The following TMEM232 variants were observed in gnomAD, a reference collection of about 807,000 sequenced individuals.
TMEM232 encodes transmembrane protein 232.
Under a neutral mutation model 78.8 loss-of-function variants are expected in TMEM232, and 80 were observed. That is an observed-to-expected ratio of 1.01 (90% confidence interval 0.85 to 1.22). TMEM232 has a LOEUF of 1.22. TMEM232 is among the 50% of genes most tolerant of loss of function. The pLI is 0.00. For synonymous variants in TMEM232, 297 were observed against 254.3 expected (o/e 1.17, Z -1.60); for missense variants, 881 against 742.2 (o/e 1.19, Z -2.17).
intron 5 of TMEM232, among the ~76,000 whole-genome samples, chr5:110,636,228 G>A (rs2149994952): frequency 6.6e-6 from 1 of 152,004 alleles, no homozygotes; most frequent in South Asian, 2.1e-4. Flanking sequence ...TGGACAAAGA[G>A]AACAGAATAA....
intron 7 of TMEM232, among the ~76,000 whole-genome samples, chr5:110,625,023 T>C (rs1010866280): frequency 1.3e-5 from 2 of 152,082 alleles, no homozygotes; most frequent in Non-Finnish European, 2.9e-5. Flanking sequence ...GAAGGTATTA[T>C]GGCATTACCC....
chr5:110,395,441 ATTC>A (rs1361694659), intron 3 of TMEM232, among the ~76,000 whole-genome samples: 1 of 152,142 alleles, frequency 6.6e-6, no homozygotes, highest in African/African-American at 2.4e-5. Context: ...ATTAAGCTCG[ATTC>A]TTCTTACCTG....
intron 10 of TMEM232, among the ~76,000 whole-genome samples, chr5:110,594,631 C>T (rs1779930033): frequency 6.6e-6 from 1 of 152,146 alleles, no homozygotes; most frequent in South Asian, 2.1e-4. Context: ...GAAGGGGCTT[C>T]CGTCATTACT....
intron 1 of TMEM232, among the ~76,000 whole-genome samples, chr5:110,691,094 T>C (rs1794062805): frequency 6.8e-6 from 1 of 146,334 alleles, no homozygotes; most frequent in Non-Finnish European, 1.5e-5. Flanking sequence ...TGCATACCTA[T>C]GTAACAAACC....
intron 2 of TMEM232, among the ~76,000 whole-genome samples, chr5:110,659,327 A>C (rs1789492291): frequency 6.6e-6 from 1 of 152,114 alleles, no homozygotes; most frequent in Non-Finnish European, 1.5e-5. Context: ...ATGAGAATGG[A>C]AAAGAAAAAA....
At position 110,605,223 on chromosome 5, in the gene TMEM232, A is replaced by G. The variant is rs1481469368; in HGVS notation, c.1162T>C (p.Cys388Arg). The change falls in exon 10 of 14, where the codon TGT becomes CGT. Residue 388 changes from cysteine (C) to arginine (R), a missense_variant. By Grantham distance (180) the Cys-to-Arg change is radical. Transcript: ENST00000455884. ...RKTALIGFCH[C>R]KSSQKNILYL... ...AAAATATTTTTTTGTGAACTTTTACAGTGACAGAAACCAATTAAAGCAGTT... is the reference window on the plus strand; with the variant it reads ...AAAATATTTTTTTGTGAACTTTTACGGTGACAGAAACCAATTAAAGCAGTT... 1.3e-6 allele frequency: 2 copies of G among 1,551,218 alleles called. No homozygotes were observed. Among genetic ancestry groups the G allele is most frequent in the African/African-American group, 2.7e-5 (2 of 73,150 alleles).
At chr5:110,687,672 T>C (rs1407791610) in intron 1 of TMEM232, among the ~76,000 whole-genome samples, 2 of 151,218 alleles carry the variant, frequency 1.3e-5, no homozygotes, top group Non-Finnish European at 2.9e-5. Context: ...AAGTCAAATT[T>C]TCTCTTTCTC....
At chr5:110,531,164 GAAC>G (rs368129855) in intron 11 of TMEM232, among the ~76,000 whole-genome samples, 6,346 of 151,856 alleles carry the variant, frequency 0.042, 202 homozygotes, top group African/African-American at 0.087. Context: ...GCCCGCCAGA[GAAC>G]AACCCCCCTT....
chr5:110,667,260 T>G lies in TMEM232; in HGVS notation c.93A>C (p.Gln31His). The change falls in exon 2 of 14, where the codon CAA becomes CAC. Residue 31 changes from glutamine (Q) to histidine (H), a missense_variant. Coordinates refer to ENST00000455884, the MANE Select transcript of TMEM232 (RefSeq NM_001039763.4). ...TATGACCCCTTTCTCCACTTAAATG[T>G]TGAAAATTTAATTTCCAGAGCTCTT... ...YHEELWKLNF[Q>H]HLSGERGHKS... The G allele has an allele frequency of 6.5e-7, 1 of 1,547,154 alleles. No individual in the cohort carries two copies. Among genetic ancestry groups the G allele is most frequent in the Non-Finnish European group, 8.7e-7 (1 of 1,144,156 alleles).
intron 11 of TMEM232, among the ~76,000 whole-genome samples, chr5:110,563,309 C>T (rs1284400693): frequency 3.3e-5 from 5 of 151,612 alleles, no homozygotes; most frequent in Non-Finnish European, 7.4e-5. Flanking sequence ...ATGTAATTAT[C>T]TATAGATATT....
chr5:110,558,381 G>C (rs1046219058), intron 11 of TMEM232, among the ~76,000 whole-genome samples: 44 of 152,276 alleles, frequency 2.9e-4, no homozygotes, highest in African/African-American at 9.9e-4. Flanking sequence ...AGCTGTAGGT[G>C]ACAGCATAAC....
chr5:110,514,828 G>GACTT (rs1460556982), intron 12 of TMEM232, among the ~76,000 whole-genome samples: 2 of 152,042 alleles, frequency 1.3e-5, no homozygotes, highest in African/African-American at 4.8e-5. Flanking sequence ...GTACTTACTA[G>GACTT]ACTTACTAGA....
At chr5:110,547,998 C>CAAAAAAAAAAAAAAAAAAA (rs938444289) in intron 11 of TMEM232, among the ~76,000 whole-genome samples, 1 of 48,660 alleles carries the variant, frequency 2.1e-5, no homozygotes, top group Non-Finnish European at 4.4e-5. Flanking sequence ...ACTCCATCTC[C>CAAAAAAAAAAAAAAAAAAA]AAAAAAAAAA....
chr5:110,497,132 G>A (rs528713898), intron 12 of TMEM232, among the ~76,000 whole-genome samples: 7 of 151,694 alleles, frequency 4.6e-5, no homozygotes, highest in African/African-American at 7.3e-5. Flanking sequence ...ATACTTTCAC[G>A]TTCCCTGACA....
At chr5:110,738,880 A>T (rs1401503947), upstream of TMEM232, 2 of 992,010 alleles carry the variant, frequency 2.0e-6, no homozygotes, top group Non-Finnish European at 2.8e-6. Context: ...CCCTAACGAC[A>T]ACAAACTTTT....
intron 11 of TMEM232, among the ~76,000 whole-genome samples, chr5:110,529,127 T>C (rs1056493376): frequency 6.6e-6 from 1 of 152,202 alleles, no homozygotes; most frequent in Non-Finnish European, 1.5e-5. Context: ...AAGAATTTCA[T>C]AAGCATTCTG....
intron 1 of TMEM232, among the ~76,000 whole-genome samples, chr5:110,704,490 A>AT (rs1235405474): frequency 1.3e-5 from 2 of 152,038 alleles, no homozygotes; most frequent in Non-Finnish European, 2.9e-5. Context: ...ACTCATGTCA[A>AT]TTTTTTTAAC....
chr5:110,533,717 C>A (rs778387437), intron 11 of TMEM232, among the ~76,000 whole-genome samples: 3 of 152,160 alleles, frequency 2.0e-5, no homozygotes, highest in Non-Finnish European at 4.4e-5. Context: ...GATACCACAC[C>A]TGAACCTCAT....
intron 12 of TMEM232, among the ~76,000 whole-genome samples, chr5:110,462,279 A>T (rs966760573): frequency 2.0e-5 from 3 of 152,152 alleles, no homozygotes; most frequent in Non-Finnish European, 4.4e-5. Flanking sequence ...GACTACTGTG[A>T]TGGTTAATAT....
Sources: gnomAD v4.1 joint callset for allele counts (sites outside exome capture counted in the v4.1 genomes callset) on GRCh38, gnomAD v4.1.1 for gene constraint, MANE v1.5 for transcripts, NCBI Gene and HGNC (gene_info 2026-07-23, HGNC 2026-07-21) for gene names.